The following NPHP4 variants were observed in gnomAD, a reference collection of about 807,000 sequenced individuals.
NPHP4 encodes nephrocystin-4.
In NPHP4, 151 loss-of-function variants were observed where a neutral mutation model predicts 155.8. That is an observed-to-expected ratio of 0.97 (90% CI 0.85 to 1.11). The LOEUF (loss-of-function observed/expected upper bound fraction) is 1.11. Ranked by LOEUF, NPHP4 falls within the 50% of genes least tolerant of loss-of-function variation. The probability of loss-of-function intolerance (pLI) is 0.00; values close to 1 mark genes in which losing one functional copy is unlikely to be tolerated. For missense variants in NPHP4, 1,956 were observed against 1,925.7 expected, an observed-to-expected ratio of 1.02 and a Z score of -0.29; for synonymous variants, 845 against 816.8, an observed-to-expected ratio of 1.03 and a Z score of -0.59.
intron 3 of NPHP4, among the ~76,000 whole-genome samples, 168 bp from the exon 4 acceptor site, chr1:5,969,427 C>A (rs1652156246): frequency 6.6e-6 from 1 of 152,156 alleles, no homozygotes; most frequent in South Asian, 2.1e-4. Flanking sequence ...GCCAGGGAAG[C>A]AGGCACACTG....
chr1:5,863,898 A>T lies in NPHP4; in HGVS notation c.4132T>A (p.Ser1378Thr). The T allele has an allele frequency of 6.2e-7, 1 of 1,613,830 alleles. No individual in the cohort carries two copies. The highest frequency in any genetic ancestry group is 8.5e-7 in the Non-Finnish European group (1 of 1,179,850). The change falls in exon 29 of 30, where the codon TCC (serine) becomes ACC (threonine). Residue 1378 changes from serine to threonine, a missense_variant. Physicochemically the swap from Ser to Thr is moderately conservative, Grantham distance 58. Transcript: ENST00000378156. ...GCACAGCCCCACCACACCTGGAAGG[A>T]GTCCTCTCTGAACCGCAGCAGCTCC... Reference protein sequence around the residue: ...HPELLRFREDSFQVGGGETYT... With the variant: ...HPELLRFREDTFQVGGGETYT...
At chr1:5,984,969 A>C (rs1433506432) in intron 2 of NPHP4, among the ~76,000 whole-genome samples, 1 of 152,198 alleles carries the variant, frequency 6.6e-6, no homozygotes, top group African/African-American at 2.4e-5. Flanking sequence ...AACGGGAGTA[A>C]GGTGGTGGCA....
chr1:5,986,200 T>C lies in NPHP4; in HGVS notation c.90A>G (p.Ala30=). 1 of 1,613,958 alleles carries C rather than the reference T, an allele frequency of 6.2e-7. No homozygotes were observed. ...RARQPWKEST[A]FQCVLKWLDG... The stretch of plus-strand genomic sequence containing the variant: ...CCAGCCACTTGAGGACACACTGGAA[T>C]GCCGTGGATTCCTTCCAAGGCTGGC... Residue 30 remains alanine (A), a synonymous_variant, in exon 2 of 30, where the codon GCA becomes GCG. Transcript: ENST00000378156.
intron 7 of NPHP4, among the ~76,000 whole-genome samples, chr1:5,951,549 AGGCAAGGG>A (rs1464937635): frequency 1.3e-5 from 2 of 152,294 alleles, no homozygotes; most frequent in East Asian, 3.9e-4. Context: ...GCAAAGGCGC[AGGCAAGGG>A]GGCTGAGCCC....
At chr1:5,955,594 C>T (rs1649034409) in intron 6 of NPHP4, among the ~76,000 whole-genome samples, 1 of 152,264 alleles carries the variant, frequency 6.6e-6, no homozygotes, top group Admixed American at 6.5e-5. Context: ...GACAACACAA[C>T]ATGAATGGAC....
chr1:5,926,996 C>G (rs1412797473), intron 11 of NPHP4, among the ~76,000 whole-genome samples: 3 of 152,250 alleles, frequency 2.0e-5, no homozygotes, highest in African/African-American at 7.2e-5. Flanking sequence ...TCCCTCGTAC[C>G]TTCCGCCCCT....
At chr1:5,979,878 C>G (rs1458484306) in intron 2 of NPHP4, among the ~76,000 whole-genome samples, 1 of 152,152 alleles carries the variant, frequency 6.6e-6, no homozygotes, top group Non-Finnish European at 1.5e-5. Flanking sequence ...CGAGATAAGA[C>G]TGTCCCCCAG....
At chr1:5,967,573 C>T (rs2102232586) in intron 4 of NPHP4, among the ~76,000 whole-genome samples, 1 of 152,248 alleles carries the variant, frequency 6.6e-6, no homozygotes, top group East Asian at 1.9e-4. Context: ...CACACGCAGC[C>T]CCAACCAAGG....
intron 23 of NPHP4, 93 bp downstream of exon 23, chr1:5,873,159 T>TCC: frequency 2.6e-6 from 3 of 1,146,324 alleles, no homozygotes; most frequent in Non-Finnish European, 3.9e-6. Flanking sequence ...GCCCCAGCCC[T>TCC]CCCCTCCAGG....
chr1:5,894,964 A>C (rs186682786), intron 16 of NPHP4, among the ~76,000 whole-genome samples: 5 of 152,302 alleles, frequency 3.3e-5, no homozygotes, highest in African/African-American at 9.6e-5. Flanking sequence ...CTGGATTAAG[A>C]AGATGTGGCA....
At chr1:5,948,604 C>G (rs532180465) in intron 7 of NPHP4, among the ~76,000 whole-genome samples, 7 of 152,302 alleles carry the variant, frequency 4.6e-5, no homozygotes, top group Non-Finnish European at 8.8e-5. Flanking sequence ...CTTCAAGACT[C>G]CTCCAAGGTC....
Position 5,863,967 on chromosome 1 carries a change from G to C in NPHP4, c.4063C>G (p.Pro1355Ala). The change falls in exon 29 of 30, where the codon CCC becomes GCC. Residue 1355 changes from proline to alanine, a missense_variant. Coordinates refer to ENST00000378156, the MANE Select transcript of NPHP4 (RefSeq NM_015102.5). ...TGGAATGTCCTCCGGGAGGGGTAGG[G>C]GTTGGTGTAGGTGATCCTCTTGTTG... ...GVNKRITYTN[P>A]YPSRRTFHLH... The C allele has an allele frequency of 6.2e-7, 1 of 1,613,820 alleles. No homozygotes were observed.
chr1:5,917,637 G>A (rs1645543074), intron 11 of NPHP4, among the ~76,000 whole-genome samples: 1 of 152,200 alleles, frequency 6.6e-6, no homozygotes, highest in Admixed American at 6.5e-5. Context: ...TGTACTGAAT[G>A]TTTTACTGTG....
In NPHP4 at chr1:5,864,979, CGCGCTGGAG is replaced by C. The variant is rs1015409443; in HGVS notation, c.3816+114_3816+122del. 1.2e-4 allele frequency: 110 copies of C among 932,708 alleles called. No individual in the cohort carries two copies. In the Middle Eastern group the frequency reaches 1.3e-3, roughly 11 times the overall value. 57.8% of individuals were successfully genotyped at this position (932,708 alleles called of 1,614,324 possible). ...GAGAGGCCTCTGGTAACAGCGTCTG[CGCGCTGGAG>C]GCGCTGGAAAAGCTGCTGTCAGGGC... On this transcript the variant is annotated intron_variant, in intron 27 of 29. Coordinates refer to ENST00000378156, the MANE Select transcript of NPHP4 (RefSeq NM_015102.5).
At chr1:5,865,355 G>T in intron 26 of NPHP4, 82 bp from the exon 27 acceptor site, 1 of 1,280,778 alleles carries the variant, frequency 7.8e-7, no homozygotes. Context: ...GCTGCCAGGA[G>T]CGTGGGCAGA....
chr1:5,874,577 T>C lies in NPHP4; in HGVS notation c.3125A>G (p.His1042Arg). The C allele has an allele frequency of 6.2e-7, 1 of 1,609,330 alleles. No individual in the cohort carries two copies. Among genetic ancestry groups the C allele is most frequent in the South Asian group, 1.1e-5 (1 of 89,892 alleles). ...LHTPVEEDMF[H>R]LRGSLAPQLY... ...CTGGGGGGCCAGGCTGCCACGCAGG[T>C]GGAACATGTCCTCCTCCACCGGTGT... The change falls in exon 22 of 30, where the codon CAC (histidine) becomes CGC (arginine). Residue 1042 changes from histidine to arginine, a missense_variant. Coordinates refer to ENST00000378156, the MANE Select transcript of NPHP4 (RefSeq NM_015102.5).
In NPHP4 at chr1:5,948,147, T is replaced by C. The variant is rs753881935; in HGVS notation, c.915A>G (p.Val305=). ...AGGCCACATCCATCTCAGGCACCAG[T>C]ACAACGACCTGCGGCCTCTGCACGA... ...LGFVQRPQVV[V]LVPEMDVALT... is the part of the protein sequence containing the mutation. The change falls in exon 8 of 30, where the codon GTA becomes GTG. Residue 305 remains valine (V), a synonymous_variant. Transcript: ENST00000378156. 1.2e-5 allele frequency: 20 copies of C among 1,613,496 alleles called. No homozygotes were observed. In the East Asian group the frequency reaches 4.2e-4, roughly 34 times the overall value.
At position 5,964,937 on chromosome 1, in the gene NPHP4, A is replaced by ATTTTTTTTTTTTTTTTT. The variant is rs1400602210; in HGVS notation, c.517+2361_517+2362insAAAAAAAAAAAAAAAAA. On this transcript the variant is annotated intron_variant, in intron 5 of 29. Transcript: ENST00000378156. ...ATATATTATATATATATATATATAT[A>ATTTTTTTTTTTTTTTTT]TATATTTTTTTTTTTTGAGGCAGGG... Among the ~76,000 whole-genome samples the ATTTTTTTTTTTTTTTTT allele has an allele frequency of 2.5e-4, 14 of 54,932 alleles. 1 individual carries two copies. The highest frequency in any genetic ancestry group is 1.3e-3 in the East Asian group (3 of 2,362). 36.0% of individuals were successfully genotyped at this position (54,932 alleles called of 152,430 possible). A position where few individuals can be genotyped will look rare whatever the true frequency, so the allele number is the denominator to read the frequency against.
At chr1:5,991,436 T>G (rs1272330930) in intron 1 of NPHP4, 1 of 152,278 alleles carries the variant, frequency 6.6e-6, no homozygotes, top group Non-Finnish European at 1.5e-5. Flanking sequence ...TTTTGCCAAC[T>G]ACACACGCGA....
Sources: allele counts gnomAD v4.1 joint callset (sites outside exome capture counted in the v4.1 genomes callset), GRCh38; gene constraint gnomAD v4.1.1; transcripts MANE v1.5; gene names NCBI Gene and HGNC (gene_info 2026-07-23, HGNC 2026-07-21).